EML2: variants seen among roughly 807,000 people sequenced by gnomAD.
EML2 encodes the protein echinoderm microtubule-associated protein-like 2.
Under a neutral mutation model 84.7 loss-of-function variants are expected in EML2, and 59 were observed. The observed-to-expected ratio is 0.70, with a 90% confidence interval of 0.56 to 0.86. EML2 has a LOEUF of 0.86. EML2 is among the 40% of genes least tolerant of loss of function. The pLI, the probability that EML2 is intolerant of heterozygous loss-of-function variation, is 0.00. For synonymous variants in EML2, 352 were observed against 348.9 expected (o/e 1.01, Z -0.10); for missense variants, 818 against 855.6 (o/e 0.96, Z 0.55).
chr19:45,613,684 T>G lies in EML2; in HGVS notation c.1694-13A>C, dbSNP rs752653220. ...TCAGACCAGATCCCTGTGGGCAAGA[T>G]GAAGGGAAGTGGTAAGATGTCAGCT... On this transcript the variant is annotated splice_polypyrimidine_tract_variant and intron_variant, in intron 17 of 18. Coordinates refer to ENST00000245925, the MANE Select transcript of EML2 (RefSeq NM_012155.4). The G allele has an allele frequency of 1.2e-4, 191 of 1,609,118 alleles. No individual in the cohort carries two copies. Among genetic ancestry groups the G allele is most frequent in the Non-Finnish European group, 1.5e-4 (181 of 1,176,558 alleles).
chr19:45,638,966 G>A (rs753871433), intron 1 of EML2, 93 bp from the exon 2 acceptor site: 1 of 1,482,666 alleles, frequency 6.7e-7, no homozygotes, highest in Non-Finnish European at 9.4e-7. Context: ...CTCCCCGGAG[G>A]TCTCCGATGA....
chr19:45,616,134 T>C (rs1971029926), intron 15 of EML2: 3 of 516,002 alleles, frequency 5.8e-6, no homozygotes, highest in Non-Finnish European at 1.0e-5. Flanking sequence ...TTAGAACAGG[T>C]GGGCAGGGCT....
At chr19:45,642,362 G>A, upstream of EML2, 1 of 1,527,378 alleles carries the variant, frequency 6.5e-7, no homozygotes, top group Non-Finnish European at 8.8e-7. Flanking sequence ...TCTGGAAGAC[G>A]GGGGAGTGCC....
intron 17 of EML2, among the ~76,000 whole-genome samples, chr19:45,614,107 T>C (rs1419584285): frequency 6.6e-6 from 1 of 152,216 alleles, no homozygotes; most frequent in African/African-American, 2.4e-5. Context: ...CTCCAGGTCC[T>C]AGCTCAGATG....
chr19:45,627,816 C>T (rs1378187221), intron 7 of EML2, among the ~76,000 whole-genome samples: 1 of 152,026 alleles, frequency 6.6e-6, no homozygotes, highest in African/African-American at 2.4e-5. Context: ...AATCCCAGCC[C>T]TTTGGGAGGC....
At chr19:45,637,656 C>CTTTTT (rs1973898530) in intron 3 of EML2, among the ~76,000 whole-genome samples, 1 of 98,842 alleles carries the variant, frequency 1.0e-5, no homozygotes, top group Non-Finnish European at 2.1e-5. Context: ...TTTTTTTTTT[C>CTTTTT]TTTTTCTTTT....
Position 45,633,085 on chromosome 19 carries a change from G to T in EML2, c.384C>A (p.Thr128=), listed in dbSNP as rs760535971. 6.3e-7 allele frequency: 1 copy of T among 1,594,774 alleles called. No homozygotes were observed. The highest frequency in any genetic ancestry group is 1.1e-5 in the South Asian group (1 of 88,172). The change falls in exon 5 of 19, where the codon ACC becomes ACA. Residue 128 remains threonine (T), a synonymous_variant. Transcript: ENST00000245925. ...CTTCCATTACCTTCCCTTCCTTAGT[G>T]GTTCCCGCCACCTGTCCCGTGGCGA... ...VTIATGQVAG[T]TKEGKPLPPH... is the part of the protein sequence containing the mutation.
intron 18 of EML2, among the ~76,000 whole-genome samples, chr19:45,610,266 G>C (rs1334601560): frequency 6.6e-6 from 1 of 151,964 alleles, no homozygotes. Flanking sequence ...GTGTGGTGGC[G>C]CATGCCCGTA....
intron 8 of EML2, among the ~76,000 whole-genome samples, chr19:45,625,493 C>T (rs529288861): frequency 6.6e-5 from 10 of 152,188 alleles, no homozygotes; most frequent in East Asian, 1.9e-4. Flanking sequence ...CCACCCGCCT[C>T]GGCCTCCCAA....
chr19:45,639,213 T>C, intron 1 of EML2, 144 bp downstream of exon 1: 1 of 938,220 alleles, frequency 1.1e-6, no homozygotes. Context: ...ACACCAAACG[T>C]CAAGCAGAGG....
upstream of EML2, chr19:45,644,803 G>C (rs1239739773): frequency 2.1e-4 from 96 of 456,326 alleles, 1 homozygote; most frequent in Non-Finnish European, 6.2e-5. Context: ...AGGGCCAGAG[G>C]ATTTGGGAGG....
intron 3 of EML2, among the ~76,000 whole-genome samples, chr19:45,638,060 C>T (rs1302866135): frequency 1.3e-5 from 2 of 152,220 alleles, no homozygotes; most frequent in Non-Finnish European, 2.9e-5. Flanking sequence ...GATCCACCCA[C>T]CTCGGCCTCC....
In EML2 at chr19:45,616,865, G is replaced by A. The variant is rs1268387725; in HGVS notation, c.1323-12C>T. On this transcript the variant is annotated splice_polypyrimidine_tract_variant and intron_variant, in intron 13 of 18. Transcript: ENST00000245925. Reference sequence around the variant, plus strand: ...CCAGCAGCAGCCATCTTGAAGGAGAGGGCGTGGTGGGGGGAGGAGGGGTGA... The same window carrying A: ...CCAGCAGCAGCCATCTTGAAGGAGAAGGCGTGGTGGGGGGAGGAGGGGTGA... The A allele has an allele frequency of 1.2e-6, 2 of 1,601,834 alleles. No homozygotes were observed. The highest frequency in any genetic ancestry group is 4.5e-5 in the East Asian group (2 of 44,770).
chr19:45,645,269 T>C, upstream of EML2: 1 of 1,533,362 alleles, frequency 6.5e-7, no homozygotes, highest in Non-Finnish European at 8.7e-7. Context: ...AGGAGGGGTC[T>C]CACCGTTGCA....
chr19:45,620,601 C>G (rs757007483), intron 11 of EML2, among the ~76,000 whole-genome samples: 1 of 149,572 alleles, frequency 6.7e-6, no homozygotes, highest in Admixed American at 6.7e-5. Flanking sequence ...TCCAGCTACT[C>G]GGGAGGCTGA....
At chr19:45,629,205 C>G (rs909231019) in intron 7 of EML2, among the ~76,000 whole-genome samples, 1 of 152,156 alleles carries the variant, frequency 6.6e-6, no homozygotes, top group African/African-American at 2.4e-5. Flanking sequence ...TCATGGCTCA[C>G]TGCAGCCTCA....
intron 15 of EML2, chr19:45,616,141 G>A (rs1971031776): frequency 3.5e-6 from 2 of 567,974 alleles, no homozygotes; most frequent in Non-Finnish European, 6.3e-6. Flanking sequence ...AGGTGGGCAG[G>A]GCTAGACACG....
At chr19:45,616,366 G>T in intron 15 of EML2, 95 bp downstream of exon 15, 1 of 880,282 alleles carries the variant, frequency 1.1e-6, no homozygotes, top group Non-Finnish European at 1.8e-6. Context: ...AATCAGTTGA[G>T]TGTTGAAGCT....
rs73942932 is a variant in EML2 at position 45,638,202 on chromosome 19, T to A, written c.179+303A>T. ...ATTCATTTTTCAGAGTCAAGACGACTTTTCCAGGGTCACACGGCCAGGTAC... is the reference window on the plus strand; with the variant it reads ...ATTCATTTTTCAGAGTCAAGACGACATTTCCAGGGTCACACGGCCAGGTAC... On this transcript the variant is annotated intron_variant, in intron 3 of 18. Transcript: ENST00000245925. 5.0e-3 allele frequency among the ~76,000 whole-genome samples: 767 copies of A among 152,362 alleles called. 7 individuals carry two copies. The highest frequency in any genetic ancestry group is 0.017 in the African/African-American group (718 of 41,582).
Sources: gnomAD v4.1 joint callset for allele counts (sites outside exome capture counted in the v4.1 genomes callset) on GRCh38, gnomAD v4.1.1 for gene constraint, MANE v1.5 for transcripts, NCBI Gene and HGNC (gene_info 2026-07-23, HGNC 2026-07-21) for gene names.